Variants in SLC17A3 observed in about 807,000 individuals in gnomAD.
The protein encoded by SLC17A3 is sodium-dependent phosphate transport protein 4.
SLC17A3 carries 61 observed loss-of-function variants against 60.3 expected under a neutral mutation model. The observed-to-expected ratio is 1.01, with a 90% CI of 0.82 to 1.25. The LOEUF is 1.25. SLC17A3 is among the 50% of genes most tolerant of loss of function. The pLI, the probability that SLC17A3 is intolerant of heterozygous loss-of-function variation, is 0.00. For missense variants in SLC17A3, 624 were observed against 594.9 expected, an observed-to-expected ratio of 1.05 and a Z score of -0.51; for synonymous variants, 192 against 208.9, an observed-to-expected ratio of 0.92 and a Z score of 0.70.
At chr6:25,855,096 G>T in intron 6 of SLC17A3, 48 bp downstream of exon 6, 1 of 1,177,702 alleles carries the variant, frequency 8.5e-7, no homozygotes, top group Non-Finnish European at 1.3e-6. Flanking sequence ...TTACTGAGGA[G>T]AATCTTTCTG....
intron 5 of SLC17A3, among the ~76,000 whole-genome samples, chr6:25,860,990 G>A (rs150617599): frequency 6.6e-6 from 1 of 152,226 alleles, no homozygotes; most frequent in African/African-American, 2.4e-5. Flanking sequence ...AGGGTCCCTG[G>A]CTTCTTGGTA....
chr6:25,850,400 G>T, intron 8 of SLC17A3, 59 bp downstream of exon 8: 1 of 1,526,628 alleles, frequency 6.6e-7, no homozygotes, highest in South Asian at 1.1e-5. Context: ...GATTAGTGAG[G>T]GCAGAGTAAT....
At position 25,858,041 on chromosome 6, in the gene SLC17A3, A is replaced by G. The variant is rs139354056; in HGVS notation, c.626-2811T>C. ...CATGAACTTTTTTTGGAGGGGATGG[A>G]GTCTCATTCTGTTACCCAGGCTGGA... On this transcript the variant is annotated intron_variant, in intron 5 of 12. Transcript: ENST00000397060. Among the ~76,000 whole-genome samples, 87 of 152,132 alleles carry G rather than the reference A, an allele frequency of 5.7e-4. No individual in the cohort carries two copies. In the East Asian group the frequency reaches 0.015, roughly 26 times the overall value.
chr6:25,873,669 G>A (rs1276433269), intron 1 of SLC17A3, among the ~76,000 whole-genome samples: 2 of 152,028 alleles, frequency 1.3e-5, no homozygotes, highest in African/African-American at 2.4e-5. Context: ...TCTTGATGCA[G>A]CATTTCTCCA....
chr6:25,866,079 C>T (rs1331290693), intron 2 of SLC17A3, among the ~76,000 whole-genome samples: 2 of 152,114 alleles, frequency 1.3e-5, no homozygotes, highest in East Asian at 1.9e-4. Flanking sequence ...ATCTAATTCC[C>T]TTCCCTTGTA....
At chr6:25,865,005 G>A (rs1265570382) in intron 2 of SLC17A3, among the ~76,000 whole-genome samples, 2 of 151,928 alleles carry the variant, frequency 1.3e-5, no homozygotes, top group Non-Finnish European at 2.9e-5. Context: ...AAGAGTTTCA[G>A]GGAAGAGGAA....
rs182386540 is a variant in SLC17A3 at position 25,856,927 on chromosome 6, T to C, written c.626-1697A>G. On this transcript the variant is annotated intron_variant, in intron 5 of 12. Transcript: ENST00000397060. ...AGCTAGGGGTGGTGGCTGATGCCTG[T>C]AATCCCAGCACTTTGGGAGGCCGAG... Among the ~76,000 whole-genome samples, 27 of 151,856 alleles carry C rather than the reference T, an allele frequency of 1.8e-4. No homozygotes were observed. The East Asian group carries it at 5.2e-3, about 29-fold the overall frequency.
chr6:25,865,788 G>C (rs4576235), intron 2 of SLC17A3, among the ~76,000 whole-genome samples: 1 of 151,934 alleles, frequency 6.6e-6, no homozygotes, highest in African/African-American at 2.4e-5. Flanking sequence ...GTGATGTGCT[G>C]TCTGTTAAAT....
At chr6:25,857,714 A>G (rs980931390) in intron 5 of SLC17A3, among the ~76,000 whole-genome samples, 1 of 152,194 alleles carries the variant, frequency 6.6e-6, no homozygotes, top group East Asian at 1.9e-4. Flanking sequence ...TGGAAATGAG[A>G]CTGCCTGACC....
intron 6 of SLC17A3, among the ~76,000 whole-genome samples, chr6:25,854,496 C>G (rs1015646072): frequency 2.6e-5 from 4 of 152,106 alleles, no homozygotes; most frequent in Admixed American, 1.3e-4. Flanking sequence ...CAAGAACCAA[C>G]AGGACTCTAT....
Position 25,861,902 on chromosome 6 carries a change from C to G in SLC17A3, c.431G>C (p.Gly144Ala). The G allele has an allele frequency of 6.2e-7, 1 of 1,612,712 alleles. No individual in the cohort carries two copies. The highest frequency in any genetic ancestry group is 8.5e-7 in the Non-Finnish European group (1 of 1,179,316). The change falls in exon 4 of 13, where the codon GGC (glycine) becomes GCC (alanine). Residue 144 changes from glycine to alanine, a missense_variant. Gly to Ala is a moderately conservative substitution (Grantham distance 60, BLOSUM62 0). Transcript: ENST00000397060. ...AGRVGTKRVV[G>A]ISLFATSFLT... ...AAATGAAGTTGCAAACAAAGAAATG[C>G]CAACCACTCGCTTTGTTCCTACTCT...
At chr6:25,867,438 A>C (rs999417452) in intron 2 of SLC17A3, among the ~76,000 whole-genome samples, 1 of 152,022 alleles carries the variant, frequency 6.6e-6, no homozygotes, top group East Asian at 1.9e-4. Flanking sequence ...GAAATGAAAT[A>C]CGTAAACTCT....
intron 5 of SLC17A3, among the ~76,000 whole-genome samples, chr6:25,861,124 C>T (rs1041030807): frequency 6.6e-6 from 1 of 152,180 alleles, no homozygotes; most frequent in Non-Finnish European, 1.5e-5. Flanking sequence ...AGACTTCTTC[C>T]TCCAGAATAT....
In SLC17A3 at chr6:25,845,107, T is replaced by C. The variant is rs1483100645; in HGVS notation, c.*194A>G. The C allele has an allele frequency of 2.5e-6, 1 of 392,860 alleles. No individual in the cohort carries two copies. Among genetic ancestry groups the C allele is most frequent in the Non-Finnish European group, 4.7e-6 (1 of 210,984 alleles). The allele number at this position is 392,860 out of a possible 1,614,324, so 24.3% of individuals were successfully genotyped here. On this transcript the variant is annotated 3_prime_UTR_variant, in exon 13 of 13. Coordinates refer to ENST00000397060, the MANE Select transcript of SLC17A3 (RefSeq NM_001098486.2). Reference sequence around the variant, plus strand: ...ATGAAGATGACAACTGCATTCTTAGTTATCATTTTATTTGAATTTTTATTC... The same window carrying C: ...ATGAAGATGACAACTGCATTCTTAGCTATCATTTTATTTGAATTTTTATTC...
intron 11 of SLC17A3, among the ~76,000 whole-genome samples, chr6:25,847,925 G>T (rs1765205889): frequency 6.6e-6 from 1 of 152,016 alleles, no homozygotes; most frequent in Non-Finnish European, 1.5e-5. Context: ...AGTCCTCAAA[G>T]TCCACTGTGT....
intron 5 of SLC17A3, among the ~76,000 whole-genome samples, chr6:25,861,169 C>T (rs572609391): frequency 6.6e-6 from 1 of 152,244 alleles, no homozygotes; most frequent in South Asian, 2.1e-4. Context: ...AGATCATTGT[C>T]AGCAAGAAGT....
At position 25,845,188 on chromosome 6, in the gene SLC17A3, T is replaced by G; in HGVS notation, c.*113A>C. ...ATAAAATAATGAACTGATCTCATAA[T>G]TGAAAAGAGCCACAGGAAAAAAAAA... is the stretch of plus-strand genomic sequence containing the variant. On this transcript the variant is annotated 3_prime_UTR_variant, in exon 13 of 13. Transcript: ENST00000397060. 1 of 547,814 alleles carries G rather than the reference T, an allele frequency of 1.8e-6. No individual in the cohort carries two copies. 33.9% of individuals were successfully genotyped at this position (547,814 alleles called of 1,614,324 possible). A position where few individuals can be genotyped will look rare whatever the true frequency, so the allele number is the denominator to read the frequency against.
Position 25,845,069 on chromosome 6 carries a change from C to T in SLC17A3, c.*232G>A. ...TCCCACACAGCAAGCCCTCTTAATC[C>T]ATTGTTAATTCTATGAAGATGACAA... On this transcript the variant is annotated 3_prime_UTR_variant, in exon 13 of 13. Coordinates refer to ENST00000397060, the MANE Select transcript of SLC17A3 (RefSeq NM_001098486.2). The T allele has an allele frequency of 6.2e-6, 2 of 322,716 alleles. No homozygotes were observed. The highest frequency in any genetic ancestry group is 1.2e-5 in the Non-Finnish European group (2 of 168,656). 20.0% of individuals were successfully genotyped at this position (322,716 alleles called of 1,614,324 possible). A position where few individuals can be genotyped will look rare whatever the true frequency, so the allele number is the denominator to read the frequency against.
chr6:25,862,004 TGAG>T lies in SLC17A3; in HGVS notation c.326_328del (p.Pro109del). ...AGCACCAAAGATGATGCCTTGGATT[TGAG>T]GAGACCAGTCATACACAGGAGCCTT... is the stretch of plus-strand genomic sequence containing the variant. On this transcript the variant is annotated inframe_deletion, in exon 4 of 13. Transcript: ENST00000397060. 1 of 1,608,882 alleles carries T rather than the reference TGAG, an allele frequency of 6.2e-7. No individual in the cohort carries two copies. Among genetic ancestry groups the T allele is most frequent in the Non-Finnish European group, 8.5e-7 (1 of 1,177,640 alleles).
Sources: allele counts gnomAD v4.1 joint callset (sites outside exome capture counted in the v4.1 genomes callset), GRCh38; gene constraint gnomAD v4.1.1; transcripts MANE v1.5; gene names NCBI Gene and HGNC (gene_info 2026-07-23, HGNC 2026-07-21).